LRRTM4: variants seen among roughly 807,000 people sequenced by gnomAD.
LRRTM4 encodes leucine rich repeat transmembrane neuronal 4, also known as leucine-rich repeat transmembrane neuronal protein 4.
LRRTM4 carries 25 observed loss-of-function variants against 47.6 expected under a neutral mutation model. The observed-to-expected ratio is 0.53, with a 90% CI of 0.38 to 0.73. LRRTM4 has a LOEUF of 0.73. LRRTM4 is among the 30% of genes least tolerant of loss of function. The pLI, the probability that LRRTM4 is intolerant of heterozygous loss-of-function variation, is 0.00. For missense variants in LRRTM4, 638 were observed against 713.4 expected (o/e 0.89, Z 1.20); for synonymous variants, 311 against 269.5 (o/e 1.15, Z -1.51).
intron 3 of LRRTM4, chr2:77,516,653 C>G (rs530298487): frequency 3.3e-5 from 32 of 981,544 alleles, no homozygotes; most frequent in South Asian, 2.8e-4. Flanking sequence ...AAACATCAAG[C>G]CTTGTTAGAC....
chr2:76,837,699 A>G (rs924547761), intron 3 of LRRTM4, among the ~76,000 whole-genome samples: 4 of 152,126 alleles, frequency 2.6e-5, no homozygotes, highest in African/African-American at 7.2e-5. Context: ...ATGTCCAACA[A>G]TGATAGACTG....
intron 3 of LRRTM4, among the ~76,000 whole-genome samples, chr2:77,140,762 C>G (rs2103760038): frequency 6.6e-6 from 1 of 152,290 alleles, no homozygotes; most frequent in South Asian, 2.1e-4. Context: ...CTGCAATGAA[C>G]TCCAACAGAT....
intron 3 of LRRTM4, among the ~76,000 whole-genome samples, chr2:76,806,652 GAAAT>G (rs144027938): frequency 0.031 from 4,679 of 151,970 alleles, 217 homozygotes; most frequent in African/African-American, 0.091. Context: ...TTATAAACTT[GAAAT>G]AAATATATTA....
At chr2:77,170,574 G>C (rs184875869) in intron 3 of LRRTM4, among the ~76,000 whole-genome samples, 2 of 152,222 alleles carry the variant, frequency 1.3e-5, no homozygotes, top group East Asian at 3.9e-4. Flanking sequence ...CATTATGTTT[G>C]TAGTAACTTG....
intron 3 of LRRTM4, among the ~76,000 whole-genome samples, chr2:76,846,054 T>C (rs556070009): frequency 6.6e-6 from 1 of 152,128 alleles, no homozygotes; most frequent in South Asian, 2.1e-4. Flanking sequence ...CTGCTTTTCA[T>C]ATATATGCGC....
chr2:77,127,174 C>CTGTT, intron 3 of LRRTM4, among the ~76,000 whole-genome samples: 1 of 151,966 alleles, frequency 6.6e-6, no homozygotes, highest in Non-Finnish European at 1.5e-5. Flanking sequence ...ACTCAAATGT[C>CTGTT]TGTTTTTCTC....
At chr2:77,084,156 T>G (rs1283290555) in intron 3 of LRRTM4, among the ~76,000 whole-genome samples, 2 of 152,138 alleles carry the variant, frequency 1.3e-5, no homozygotes, top group African/African-American at 4.8e-5. Context: ...GTCTCACCGA[T>G]AATATATGAA....
At chr2:77,100,144 G>A (rs570741891) in intron 3 of LRRTM4, among the ~76,000 whole-genome samples, 11 of 152,006 alleles carry the variant, frequency 7.2e-5, no homozygotes, top group Admixed American at 6.5e-5. Context: ...CCACTGTTTT[G>A]TCACATTTGC....
At chr2:76,751,047 G>A (rs577184583) in intron 3 of LRRTM4, among the ~76,000 whole-genome samples, 15 of 152,174 alleles carry the variant, frequency 9.9e-5, no homozygotes, top group Non-Finnish European at 1.9e-4. Flanking sequence ...ATTTATGTAT[G>A]TGCATATCAA....
At chr2:76,914,281 G>A (rs999906618) in intron 3 of LRRTM4, among the ~76,000 whole-genome samples, 3 of 151,652 alleles carry the variant, frequency 2.0e-5, no homozygotes, top group Admixed American at 1.3e-4. Flanking sequence ...TATAACTATG[G>A]CTATGTCATT....
At chr2:76,906,033 G>A (rs1406663494) in intron 3 of LRRTM4, among the ~76,000 whole-genome samples, 12 of 152,074 alleles carry the variant, frequency 7.9e-5, no homozygotes, top group East Asian at 3.9e-4. Flanking sequence ...CAACTCCAAG[G>A]CACATAATTG....
intron 3 of LRRTM4, among the ~76,000 whole-genome samples, chr2:76,854,006 A>C (rs1322081143): frequency 1.3e-5 from 2 of 152,142 alleles, no homozygotes; most frequent in African/African-American, 4.8e-5. Flanking sequence ...AAGGTTTTTA[A>C]TACTTAAGAA....
intron 3 of LRRTM4, among the ~76,000 whole-genome samples, chr2:77,188,464 C>T (rs1346413061): frequency 2.0e-5 from 3 of 152,022 alleles, no homozygotes; most frequent in Admixed American, 6.6e-5. Context: ...ATTTGATCAC[C>T]GTTTAAAAAA....
chr2:77,311,990 A>G (rs1677468820), intron 3 of LRRTM4, among the ~76,000 whole-genome samples: 1 of 152,128 alleles, frequency 6.6e-6, no homozygotes, highest in Non-Finnish European at 1.5e-5. Flanking sequence ...TAGCAGACAC[A>G]GTATATTTTC....
chr2:77,432,537 G>A (rs1010626391), intron 3 of LRRTM4, among the ~76,000 whole-genome samples: 1 of 152,186 alleles, frequency 6.6e-6, no homozygotes, highest in African/African-American at 2.4e-5. Context: ...GAAAATGTCT[G>A]CATTGGCAAA....
Position 77,521,718 on chromosome 2 carries a change from A to G in LRRTM4, c.-47T>C, listed in dbSNP as rs1310748908. 3 of 1,610,016 alleles carry G rather than the reference A, an allele frequency of 1.9e-6. No homozygotes were observed. Among genetic ancestry groups the G allele is most frequent in the Non-Finnish European group, 2.5e-6 (3 of 1,178,184 alleles). On this transcript the variant is annotated 5_prime_UTR_variant, in exon 2 of 4. An upstream open reading frame in the 5' UTR loses its in-frame stop. Coordinates refer to ENST00000409884, the MANE Select transcript of LRRTM4 (RefSeq NM_001134745.3). ...TCCCCCCTCTCTCAGCTTTCTTCTT[A>G]TTTGGTCTCTTGTGCGGAAACCACC...
chr2:77,064,600 G>C (rs1679894792), intron 3 of LRRTM4, among the ~76,000 whole-genome samples: 4 of 152,038 alleles, frequency 2.6e-5, no homozygotes, highest in Non-Finnish European at 5.9e-5. Context: ...TCTTAGAAGG[G>C]CCCAGTTTAT....
intron 3 of LRRTM4, among the ~76,000 whole-genome samples, chr2:76,937,266 G>C (rs1674987203): frequency 6.6e-6 from 1 of 152,022 alleles, no homozygotes; most frequent in Non-Finnish European, 1.5e-5. Flanking sequence ...AAATATTTAT[G>C]AAGTTTATTA....
At chr2:76,904,537 T>C (rs1179790688) in intron 3 of LRRTM4, among the ~76,000 whole-genome samples, 4 of 152,222 alleles carry the variant, frequency 2.6e-5, no homozygotes, top group Non-Finnish European at 2.9e-5. Context: ...GACTGAAACA[T>C]TATATATCTC....
Sources: allele counts gnomAD v4.1 joint callset (sites outside exome capture counted in the v4.1 genomes callset), GRCh38; gene constraint gnomAD v4.1.1; transcripts MANE v1.5; gene names NCBI Gene and HGNC (gene_info 2026-07-23, HGNC 2026-07-21).